ZNF532: variants seen among roughly 807,000 people sequenced by gnomAD.
The protein encoded by ZNF532 is zinc finger protein 532.
A neutral mutation model predicts 89.3 loss-of-function variants in ZNF532; 22 were observed. That is an observed-to-expected ratio of 0.25 (90% CI 0.18 to 0.35). The LOEUF is 0.35. ZNF532 is among the 10% of genes least tolerant of loss of function. The probability of loss-of-function intolerance (pLI) is 1.00; values close to 1 mark genes in which losing one functional copy is unlikely to be tolerated. For missense variants in ZNF532, 1,132 were observed against 1,643.4 expected, an observed-to-expected ratio of 0.69 and a Z score of 5.38; for synonymous variants, 606 against 649.6, an observed-to-expected ratio of 0.93 and a Z score of 1.02.
At chr18:58,971,598 G>A (rs72961150) in intron 7 of ZNF532, among the ~76,000 whole-genome samples, 11,851 of 152,264 alleles carry the variant, frequency 0.078, 579 homozygotes, top group Admixed American at 0.12. Context: ...GCCATTTAGA[G>A]AAAAAGTTGG....
chr18:58,936,446 A>G (rs1471542931), intron 4 of ZNF532, among the ~76,000 whole-genome samples: 1 of 152,228 alleles, frequency 6.6e-6, no homozygotes, highest in Non-Finnish European at 1.5e-5. Context: ...TGATTAAAGG[A>G]AATATGACTT....
At chr18:58,972,346 G>T (rs2066554930) in intron 7 of ZNF532, among the ~76,000 whole-genome samples, 1 of 152,212 alleles carries the variant, frequency 6.6e-6, no homozygotes, top group African/African-American at 2.4e-5. Flanking sequence ...AGAAAAGTGG[G>T]AAGGCTGTGT....
At chr18:58,966,780 A>C (rs1603309118) in intron 7 of ZNF532, among the ~76,000 whole-genome samples, 1 of 142,880 alleles carries the variant, frequency 7.0e-6, no homozygotes. Flanking sequence ...TCTTAGGAAG[A>C]TATGCTCTTT....
intron 7 of ZNF532, among the ~76,000 whole-genome samples, chr18:58,969,468 T>C (rs1038858680): frequency 6.6e-6 from 1 of 152,210 alleles, no homozygotes; most frequent in African/African-American, 2.4e-5. Flanking sequence ...GCCCGGCAGC[T>C]TGGTCTCTCA....
chr18:58,978,360 A>T (rs2067293954), intron 7 of ZNF532, among the ~76,000 whole-genome samples: 1 of 152,234 alleles, frequency 6.6e-6, no homozygotes, highest in Non-Finnish European at 1.5e-5. Flanking sequence ...GATTTCATTT[A>T]ACATGGCATA....
intron 7 of ZNF532, among the ~76,000 whole-genome samples, chr18:58,965,763 C>T (rs4940434): frequency 0.21 from 31,745 of 152,128 alleles, 4,635 homozygotes; most frequent in African/African-American, 0.42. Context: ...TTGGGCAAAT[C>T]TTCCTGCAGA....
intron 5 of ZNF532, among the ~76,000 whole-genome samples, chr18:58,941,233 G>A (rs954196341): frequency 1.3e-5 from 2 of 152,072 alleles, no homozygotes; most frequent in Non-Finnish European, 2.9e-5. Flanking sequence ...TTTCAGGACT[G>A]TTAGACTTGT....
intron 2 of ZNF532, among the ~76,000 whole-genome samples, chr18:58,889,172 G>A (rs1231699531): frequency 6.6e-6 from 1 of 151,364 alleles, no homozygotes; most frequent in Non-Finnish European, 1.5e-5. Flanking sequence ...TTCTCTTTCC[G>A]TGATTTTCTT....
At chr18:58,882,873 T>A (rs368090109) in intron 2 of ZNF532, among the ~76,000 whole-genome samples, 1 of 152,226 alleles carries the variant, frequency 6.6e-6, no homozygotes, top group Non-Finnish European at 1.5e-5. Context: ...AAGATTCACA[T>A]TGGAGGTTCA....
chr18:58,957,550 TATTTC>T (rs2064921578), intron 7 of ZNF532, among the ~76,000 whole-genome samples: 1 of 151,842 alleles, frequency 6.6e-6, no homozygotes, highest in Admixed American at 6.6e-5. Context: ...TTGGAGTAAA[TATTTC>T]AGGTTAGGAG....
At chr18:58,913,668 G>T (rs1443758978) in intron 2 of ZNF532, among the ~76,000 whole-genome samples, 5 of 152,018 alleles carry the variant, frequency 3.3e-5, no homozygotes, top group Non-Finnish European at 5.9e-5. Context: ...ATACAATGAA[G>T]GGTCTCAGTG....
chr18:58,984,411 G>A lies in ZNF532; in HGVS notation c.3851G>A (p.Arg1284Gln). 6.2e-7 allele frequency: 1 copy of A among 1,611,872 alleles called. No individual in the cohort carries two copies. The highest frequency in any genetic ancestry group is 8.5e-7 in the Non-Finnish European group (1 of 1,179,784). The change falls in exon 10 of 10, where the codon CGG (arginine) becomes CAG (glutamine). Residue 1284 changes from arginine (R) to glutamine (Q), a missense_variant. Around this residue, in one of 9 missense-constraint regions of ZNF532, gnomAD observed 415 missense variants for 604.8 expected, o/e 0.69. Transcript: ENST00000591808. ...ETEAALNTHMRTHGMAFIKSK... is the reference protein window; with the variant it reads ...ETEAALNTHMQTHGMAFIKSK... The stretch of plus-strand genomic sequence containing the variant: ...GAAGCTGCCTTAAATACTCACATGC[G>A]GACACACGGCATGGCCTTCATCAAA...
rs1249340046 is a variant in ZNF532 at position 58,919,650 on chromosome 18, G to A, written c.1363G>A (p.Val455Met). 6.2e-7 allele frequency: 1 copy of A among 1,613,890 alleles called. No individual in the cohort carries two copies. The highest frequency in any genetic ancestry group is 1.3e-5 in the African/African-American group (1 of 74,932). The change falls in exon 3 of 10, where the codon GTG becomes ATG. Residue 455 changes from valine (V) to methionine (M), a missense_variant. Physicochemically the swap from Val to Met is conservative, Grantham distance 21. Around this residue, in one of 9 missense-constraint regions of ZNF532, gnomAD observed 8 missense variants for 41.3 expected, o/e 0.19. Coordinates refer to ENST00000591808, the MANE Select transcript of ZNF532 (RefSeq NM_001375912.1). The surrounding 1 kb of genome is among the most constrained non-coding windows in gnomAD (Gnocchi z 6.1). Reference protein sequence around the residue: ...IKPVATAFLPVSAVKTAGSQV... With the variant: ...IKPVATAFLPMSAVKTAGSQV... The stretch of plus-strand genomic sequence containing the variant: ...GCCTGTGGCTACTGCTTTCCTCCCA[G>A]TGTCTGCTGTGAAGACGGCAGGATC...
intron 2 of ZNF532, among the ~76,000 whole-genome samples, chr18:58,916,977 A>G (rs1362312367): frequency 6.6e-6 from 1 of 152,224 alleles, no homozygotes; most frequent in African/African-American, 2.4e-5. Context: ...TGACACAGCA[A>G]ATACCGAAGG....
At chr18:58,922,416 A>C (rs1264170806) in intron 3 of ZNF532, among the ~76,000 whole-genome samples, 1 of 152,210 alleles carries the variant, frequency 6.6e-6, no homozygotes, top group African/African-American at 2.4e-5. Flanking sequence ...GTGGAAATGG[A>C]AGCAATAAAG....
rs534625915 is a variant in ZNF532 at position 58,888,434 on chromosome 18, G to C, written c.-18+22855G>C. ...CTCACGCCTGTAATCCCAACATTTT[G>C]GGAGGCCAAGGTGGGTGGATCACCT... On this transcript the variant is annotated intron_variant, in intron 2 of 9. Coordinates refer to ENST00000591808, the MANE Select transcript of ZNF532 (RefSeq NM_001375912.1). Among the ~76,000 whole-genome samples, 12 of 151,676 alleles carry C rather than the reference G, an allele frequency of 7.9e-5. No homozygotes were observed. The East Asian group carries it at 2.3e-3, about 30-fold the overall frequency.
chr18:58,884,785 C>T (rs915609495), intron 2 of ZNF532, among the ~76,000 whole-genome samples: 1 of 152,078 alleles, frequency 6.6e-6, no homozygotes, highest in Admixed American at 6.6e-5. Flanking sequence ...GAAAAAAAGG[C>T]AGTTTGTATC....
intron 2 of ZNF532, among the ~76,000 whole-genome samples, chr18:58,905,835 G>A (rs1377306246): frequency 6.6e-6 from 1 of 152,078 alleles, no homozygotes; most frequent in Non-Finnish European, 1.5e-5. Context: ...ATTACATTTA[G>A]TCTTCAGACT....
At chr18:58,908,609 C>T (rs1371880508) in intron 2 of ZNF532, among the ~76,000 whole-genome samples, 3 of 152,172 alleles carry the variant, frequency 2.0e-5, no homozygotes, top group Non-Finnish European at 4.4e-5. Context: ...CTAATAATGA[C>T]ATTAGCTTAT....
Sources: gnomAD v4.1 joint callset for allele counts (sites outside exome capture counted in the v4.1 genomes callset) on GRCh38, gnomAD v4.1.1 for gene constraint, gnomAD v4.1.1 regional missense constraint, Gnocchi (gnomAD v3.1) non-coding constraint, MANE v1.5 for transcripts, NCBI Gene and HGNC (gene_info 2026-07-23, HGNC 2026-07-21) for gene names.